Variants in MATN2 observed in about 807,000 individuals in gnomAD.
The protein encoded by MATN2 is matrilin 2.
Under a neutral mutation model 103.2 loss-of-function variants are expected in MATN2, and 69 were observed. That is an observed-to-expected ratio of 0.67 (90% CI 0.55 to 0.82). The LOEUF (loss-of-function observed/expected upper bound fraction) is 0.82, where lower values mean the gene tolerates loss of function less well. MATN2 is among the 40% of genes least tolerant of loss of function. MATN2 has a pLI of 0.00. For missense variants in MATN2, 1,023 were observed against 1,211.5 expected (o/e 0.84, Z 2.31); for synonymous variants, 429 against 450.2 (o/e 0.95, Z 0.60).
chr8:97,932,833 T>A (rs1810243281), intron 3 of MATN2, among the ~76,000 whole-genome samples: 1 of 152,244 alleles, frequency 6.6e-6, no homozygotes, highest in Non-Finnish European at 1.5e-5. Flanking sequence ...AGGGAAATAA[T>A]CTATTTTTAA....
chr8:97,905,161 A>G (rs1249947783), intron 2 of MATN2, among the ~76,000 whole-genome samples: 3 of 152,226 alleles, frequency 2.0e-5, no homozygotes, highest in African/African-American at 7.2e-5. Context: ...AAATATTTTG[A>G]TAACTGCAGT....
Position 97,943,576 on chromosome 8 carries a change from C to T in MATN2, c.835+1677C>T, listed in dbSNP as rs146248549. Among the ~76,000 whole-genome samples, 1,138 of 152,206 alleles carry T rather than the reference C, an allele frequency of 7.5e-3. 11 individuals are homozygous for T. Among genetic ancestry groups the T allele is most frequent in the African/African-American group, 0.026 (1,065 of 41,500 alleles). ...GTACCCTCAACCTTCCGGGTTCAAG[C>T]AGTCCTCCCACCTCAGCCTCCTGAG... is the stretch of plus-strand genomic sequence containing the variant. On this transcript the variant is annotated intron_variant, in intron 4 of 18. Transcript: ENST00000254898.
chr8:97,978,954 C>T lies in MATN2; in HGVS notation c.1027C>T (p.Leu343Phe). 6.2e-7 allele frequency: 1 copy of T among 1,613,520 alleles called. No homozygotes were observed. The highest frequency in any genetic ancestry group is 1.1e-5 in the South Asian group (1 of 91,054). Residue 343 changes from leucine to phenylalanine, a missense_variant, in exon 6 of 19, where the codon CTT becomes TTT. By Grantham distance (22) the Leu-to-Phe change is conservative (BLOSUM62 0). Coordinates refer to ENST00000254898, the MANE Select transcript of MATN2 (RefSeq NM_002380.5). ...HECVNADGSY[L>F]CQCHEGFALN... ...GTGTGTAAATGCTGATGGCTCCTAC[C>T]TTTGCCAGTGCCATGAAGGATTTGC...
chr8:97,924,291 T>C (rs978894440), intron 2 of MATN2, among the ~76,000 whole-genome samples: 2 of 152,226 alleles, frequency 1.3e-5, no homozygotes, highest in African/African-American at 2.4e-5. Context: ...AGGCCTTTAA[T>C]GTGGCCTGGA....
chr8:98,031,390 G>GT (rs1378499723), intron 15 of MATN2: 1 of 152,008 alleles, frequency 6.6e-6, no homozygotes, highest in Non-Finnish European at 1.5e-5. Flanking sequence ...AAAGAAAAAA[G>GT]TAATAGCTAC....
rs576927245 is a variant in MATN2, at chr8:97,946,122, C to T, written c.835+4223C>T. Among the ~76,000 whole-genome samples the T allele has an allele frequency of 1.2e-3, 181 of 152,304 alleles. 6 individuals are homozygous for T. In the South Asian group the frequency reaches 0.023, roughly 19 times the overall value. On this transcript the variant is annotated intron_variant, in intron 4 of 18. Transcript: ENST00000254898. ...TCCCACACACTGACCCCATTCCTAT[C>T]AATTTTCTCTTCTTCAGGGGAGAAA...
chr8:97,896,807 G>C (rs1232260724), intron 2 of MATN2, among the ~76,000 whole-genome samples: 1 of 151,416 alleles, frequency 6.6e-6, no homozygotes, highest in Non-Finnish European at 1.5e-5. Context: ...GCTGGACAGT[G>C]GGATCAGGCA....
intron 12 of MATN2, among the ~76,000 whole-genome samples, chr8:98,019,839 T>C (rs1813518993): frequency 6.6e-6 from 1 of 152,174 alleles, no homozygotes. Flanking sequence ...TGCTTTGAGG[T>C]TGATTTTTGG....
At chr8:98,024,281 G>A (rs917542464) in intron 13 of MATN2, among the ~76,000 whole-genome samples, 3 of 152,172 alleles carry the variant, frequency 2.0e-5, no homozygotes, top group African/African-American at 4.8e-5. Context: ...GAAGCGGGCG[G>A]ATCACCTGAG....
At chr8:98,020,004 C>T (rs1334655659) in intron 12 of MATN2, among the ~76,000 whole-genome samples, 2 of 152,188 alleles carry the variant, frequency 1.3e-5, no homozygotes, top group Non-Finnish European at 2.9e-5. Context: ...ACCTAGGATG[C>T]CTGTGGTACC....
intron 3 of MATN2, among the ~76,000 whole-genome samples, chr8:97,934,177 A>G (rs1810298390): frequency 6.6e-6 from 1 of 152,218 alleles, no homozygotes; most frequent in South Asian, 2.1e-4. Context: ...TTCACCTAAA[A>G]TAGGTGAAAC....
chr8:98,032,438 T>C (rs1814068081), intron 16 of MATN2, 121 bp downstream of exon 16: 1 of 720,560 alleles, frequency 1.4e-6, no homozygotes, highest in African/African-American at 1.8e-5. Context: ...GAAGGCCTTT[T>C]TTCCCTCAAA....
chr8:97,984,814 G>A (rs55779959), intron 6 of MATN2, among the ~76,000 whole-genome samples: 28,042 of 152,062 alleles, frequency 0.18, 3,456 homozygotes, highest in African/African-American at 0.35. Context: ...AGACCAAAAA[G>A]AAACCCCACC....
intron 10 of MATN2, among the ~76,000 whole-genome samples, chr8:98,014,301 A>G (rs1298061691): frequency 6.6e-6 from 1 of 152,172 alleles, no homozygotes; most frequent in African/African-American, 2.4e-5. Context: ...TAGGGGGAAA[A>G]AAAAACACCT....
chr8:97,900,373 T>G (rs1818938498), intron 2 of MATN2, among the ~76,000 whole-genome samples: 1 of 152,158 alleles, frequency 6.6e-6, no homozygotes, highest in Admixed American at 6.5e-5. Flanking sequence ...CAACCTAAGT[T>G]CAGAGCCCGG....
intron 12 of MATN2, among the ~76,000 whole-genome samples, chr8:98,020,397 C>T (rs764140234): frequency 2.0e-4 from 31 of 152,182 alleles, no homozygotes; most frequent in Non-Finnish European, 3.4e-4. Flanking sequence ...CTGCCTGCCT[C>T]GGCCTCCCAA....
At chr8:97,980,155 G>C (rs1218905229) in intron 6 of MATN2, among the ~76,000 whole-genome samples, 1 of 152,214 alleles carries the variant, frequency 6.6e-6, no homozygotes, top group Non-Finnish European at 1.5e-5. Flanking sequence ...GGGGGTTCCA[G>C]GAGAAGGAAA....
intron 1 of MATN2, among the ~76,000 whole-genome samples, chr8:97,887,315 T>C (rs1409125204): frequency 6.6e-6 from 1 of 152,132 alleles, no homozygotes; most frequent in Admixed American, 6.6e-5. Context: ...CCTAAAGCAC[T>C]AGGATTGCAG....
chr8:97,965,744 G>T (rs549656128), intron 5 of MATN2, among the ~76,000 whole-genome samples: 1 of 152,172 alleles, frequency 6.6e-6, no homozygotes, highest in African/African-American at 2.4e-5. Flanking sequence ...ACTTTGGGAG[G>T]CTGAGGCAGG....
Sources: gnomAD v4.1 joint callset for allele counts (sites outside exome capture counted in the v4.1 genomes callset) on GRCh38, gnomAD v4.1.1 for gene constraint, MANE v1.5 for transcripts, NCBI Gene and HGNC (gene_info 2026-07-23, HGNC 2026-07-21) for gene names.